Variants in RHOJ observed in about 807,000 individuals in gnomAD.
The protein encoded by RHOJ is ras homolog family member J, also known as rho-related GTP-binding protein RhoJ.
RHOJ carries 11 observed loss-of-function variants against 23.4 expected under a neutral mutation model. That is an observed-to-expected ratio of 0.47 (90% CI 0.30 to 0.78). RHOJ has a LOEUF of 0.78. Ranked by LOEUF, RHOJ falls within the 30% of genes least tolerant of loss-of-function variation. The pLI, the probability that RHOJ is intolerant of heterozygous loss-of-function variation, is 0.08. For synonymous variants in RHOJ, 102 were observed against 102.7 expected (o/e 0.99, Z 0.04); for missense variants, 254 against 273.4 (o/e 0.93, Z 0.50).
At chr14:63,207,627 G>A (rs1272210850) in intron 1 of RHOJ, among the ~76,000 whole-genome samples, 1 of 152,126 alleles carries the variant, frequency 6.6e-6, no homozygotes, top group Non-Finnish European at 1.5e-5. Context: ...ACTAATAACT[G>A]CCCAACCCAG....
chr14:63,210,168 G>A (rs1212612864), intron 1 of RHOJ, among the ~76,000 whole-genome samples: 3 of 151,562 alleles, frequency 2.0e-5, no homozygotes, highest in Non-Finnish European at 2.9e-5. Context: ...CACCATGTTG[G>A]CCAGGATGGT....
chr14:63,238,978 C>T (rs971909507), intron 1 of RHOJ, among the ~76,000 whole-genome samples: 1 of 152,164 alleles, frequency 6.6e-6, no homozygotes, highest in Non-Finnish European at 1.5e-5. Flanking sequence ...TAACCTTAAA[C>T]CACTCTGCTA....
At chr14:63,255,288 G>C (rs1895143787) in intron 1 of RHOJ, among the ~76,000 whole-genome samples, 1 of 152,088 alleles carries the variant, frequency 6.6e-6, no homozygotes, top group Admixed American at 6.6e-5. Flanking sequence ...ATGGGGCAAG[G>C]ATGAGCACTC....
At chr14:63,208,620 A>G (rs1407834904) in intron 1 of RHOJ, among the ~76,000 whole-genome samples, 1 of 152,128 alleles carries the variant, frequency 6.6e-6, no homozygotes, top group Non-Finnish European at 1.5e-5. Context: ...TCCACTCAAC[A>G]GCAAATCTTT....
At chr14:63,261,041 C>T (rs1895263091) in intron 1 of RHOJ, among the ~76,000 whole-genome samples, 2 of 152,174 alleles carry the variant, frequency 1.3e-5, no homozygotes, top group Admixed American at 1.3e-4. Flanking sequence ...AAAATGAATC[C>T]ATAAATTTGC....
intron 1 of RHOJ, among the ~76,000 whole-genome samples, chr14:63,206,516 A>G (rs1426358368): frequency 6.6e-6 from 1 of 152,226 alleles, no homozygotes; most frequent in African/African-American, 2.4e-5. Flanking sequence ...CTGCCAAGAA[A>G]GGGAAAGTGG....
intron 1 of RHOJ, among the ~76,000 whole-genome samples, chr14:63,258,715 GC>G (rs1158517519): frequency 6.6e-6 from 1 of 152,174 alleles, no homozygotes; most frequent in Non-Finnish European, 1.5e-5. Flanking sequence ...TAGAAGCAAA[GC>G]TTCAAGGCTG....
intron 1 of RHOJ, among the ~76,000 whole-genome samples, chr14:63,220,355 A>G (rs1894462187): frequency 6.7e-6 from 1 of 148,768 alleles, no homozygotes; most frequent in Non-Finnish European, 1.5e-5. Context: ...GTCTCTTAAT[A>G]CCTGAGTAAT....
chr14:63,290,860 C>T lies in RHOJ; in HGVS notation c.499-18C>T. On this transcript the variant is annotated intron_variant, in intron 4 of 4. Coordinates refer to ENST00000316754, the MANE Select transcript of RHOJ (RefSeq NM_020663.5). Reference sequence around the variant, plus strand: ...TCTCTTTTTTATCTCTCATGCCTTTCTCTCTTTTGTGTTTAAGATCGGAGC... The same window carrying T: ...TCTCTTTTTTATCTCTCATGCCTTTTTCTCTTTTGTGTTTAAGATCGGAGC... 6.3e-7 allele frequency: 1 copy of T among 1,594,990 alleles called. No homozygotes were observed. The highest frequency in any genetic ancestry group is 8.5e-7 in the Non-Finnish European group (1 of 1,171,762).
At chr14:63,273,651 G>A (rs1895511649) in intron 2 of RHOJ, among the ~76,000 whole-genome samples, 1 of 152,234 alleles carries the variant, frequency 6.6e-6, no homozygotes, top group African/African-American at 2.4e-5. Context: ...ACCAGCCATA[G>A]TACTAAGACA....
intron 1 of RHOJ, among the ~76,000 whole-genome samples, chr14:63,258,102 C>T (rs940391101): frequency 6.7e-6 from 1 of 149,546 alleles, no homozygotes; most frequent in Admixed American, 6.7e-5. Flanking sequence ...GTGGCGGGCG[C>T]CTGTCATCCC....
chr14:63,243,020 A>G (rs1264979616), intron 1 of RHOJ, among the ~76,000 whole-genome samples: 1 of 152,216 alleles, frequency 6.6e-6, no homozygotes. Flanking sequence ...GGGCATGACA[A>G]TGCATATTGT....
intron 1 of RHOJ, among the ~76,000 whole-genome samples, chr14:63,260,303 A>G (rs1895250165): frequency 6.6e-6 from 1 of 152,208 alleles, no homozygotes; most frequent in Non-Finnish European, 1.5e-5. Flanking sequence ...GCTCTGCAAT[A>G]CACAGTTTAT....
intron 1 of RHOJ, among the ~76,000 whole-genome samples, chr14:63,229,624 T>TGAGA: frequency 6.6e-6 from 1 of 152,328 alleles, no homozygotes; most frequent in Non-Finnish European, 1.5e-5. Flanking sequence ...CCCCTCCATC[T>TGAGA]GCAAAGCTCT....
chr14:63,269,473 T>C (rs17824571), intron 2 of RHOJ: 18,823 of 274,710 alleles, frequency 0.069, 879 homozygotes, highest in East Asian at 0.16. Context: ...TGGAAACCTA[T>C]TCCAGATTCA....
At chr14:63,211,480 G>T (rs1051281668) in intron 1 of RHOJ, among the ~76,000 whole-genome samples, 1 of 151,990 alleles carries the variant, frequency 6.6e-6, no homozygotes, top group Admixed American at 6.6e-5. Context: ...AAAAATTATG[G>T]ATACATTAAT....
At chr14:63,234,667 G>A (rs556998773) in intron 1 of RHOJ, among the ~76,000 whole-genome samples, 2 of 150,240 alleles carry the variant, frequency 1.3e-5, no homozygotes, top group Non-Finnish European at 3.0e-5. Flanking sequence ...GAACATGAAA[G>A]AGTTTAAAAC....
intron 1 of RHOJ, among the ~76,000 whole-genome samples, chr14:63,222,373 A>G (rs1411676829): frequency 2.0e-5 from 3 of 152,232 alleles, no homozygotes; most frequent in East Asian, 1.9e-4. Flanking sequence ...TGGTATTTCT[A>G]GTTCTAGATC....
intron 3 of RHOJ, 130 bp from the exon 4 acceptor site, chr14:63,282,991 C>G: frequency 1.5e-6 from 1 of 671,332 alleles, no homozygotes; most frequent in Non-Finnish European, 2.6e-6. Context: ...GCATGTGAAT[C>G]TGCTTCCTTA....
Sources: gnomAD v4.1 joint callset for allele counts (sites outside exome capture counted in the v4.1 genomes callset) on GRCh38, gnomAD v4.1.1 for gene constraint, MANE v1.5 for transcripts, NCBI Gene and HGNC (gene_info 2026-07-23, HGNC 2026-07-21) for gene names.